LIG1: variants seen among roughly 807,000 people sequenced by gnomAD.
LIG1 encodes the protein DNA ligase 1, also known as ligase I, DNA, ATP-dependent.
A neutral mutation model predicts 115.7 loss-of-function variants in LIG1; 70 were observed. That is an observed-to-expected ratio of 0.60 (90% CI 0.50 to 0.74). LIG1 has a LOEUF of 0.74. LIG1 is among the 30% of genes least tolerant of loss of function. The probability of loss-of-function intolerance (pLI) is 0.00; values close to 1 mark genes in which losing one functional copy is unlikely to be tolerated. For synonymous variants in LIG1, 487 were observed against 495.3 expected (o/e 0.98, Z 0.22); for missense variants, 1,115 against 1,225.6 (o/e 0.91, Z 1.35).
At chr19:48,116,363 G>A (rs561695368) in intron 26 of LIG1, among the ~76,000 whole-genome samples, 3 of 150,096 alleles carry the variant, frequency 2.0e-5, no homozygotes, top group African/African-American at 7.4e-5. Context: ...GGAGAATGGC[G>A]TGAATCCGGG....
At position 48,143,666 on chromosome 19, in the gene LIG1, C is replaced by T; in HGVS notation, c.858-67G>A. ...CTATACCATGCTGCCCGTCTGCACC[C>T]TTGCTTCCTCACGCCTCCTCGGGAC... On this transcript the variant is annotated intron_variant, in intron 10 of 27. Coordinates refer to ENST00000263274, the MANE Select transcript of LIG1 (RefSeq NM_000234.3). The T allele has an allele frequency of 3.5e-6, 5 of 1,413,816 alleles. No individual in the cohort carries two copies. The South Asian group carries it at 5.7e-5, about 16-fold the overall frequency. The allele number at this position is 1,413,816 out of a possible 1,614,324, so 87.6% of individuals were successfully genotyped here. A position where few individuals can be genotyped will look rare whatever the true frequency, so the allele number is the denominator to read the frequency against.
chr19:48,164,751 A>G (rs138140720), intron 2 of LIG1, among the ~76,000 whole-genome samples: 4 of 152,360 alleles, frequency 2.6e-5, no homozygotes, highest in African/African-American at 9.6e-5. Context: ...TTTCAATGAT[A>G]TAAGTCAAGT....
chr19:48,135,990 G>A, intron 15 of LIG1, 44 bp downstream of exon 15: 1 of 1,477,340 alleles, frequency 6.8e-7, no homozygotes, highest in Non-Finnish European at 9.2e-7. Flanking sequence ...GGAAGCCTGA[G>A]GTAACTCCAG....
chr19:48,144,384 G>C (rs191683935), intron 9 of LIG1, among the ~76,000 whole-genome samples: 2 of 152,304 alleles, frequency 1.3e-5, no homozygotes, highest in East Asian at 3.9e-4. Flanking sequence ...TTGAGAAACA[G>C]AAAAGGGATT....
chr19:48,132,516 G>A (rs1018598422), intron 18 of LIG1, among the ~76,000 whole-genome samples: 1 of 152,046 alleles, frequency 6.6e-6, no homozygotes, highest in Non-Finnish European at 1.5e-5. Flanking sequence ...TAGAGGCCAG[G>A]CACGATGGTT....
chr19:48,128,884 T>A, intron 19 of LIG1, among the ~76,000 whole-genome samples: 1 of 152,202 alleles, frequency 6.6e-6, no homozygotes, highest in East Asian at 1.9e-4. Flanking sequence ...TGCCTCAGCC[T>A]CCCGAGTAGC....
At chr19:48,167,087 G>A (rs971626739) in intron 1 of LIG1, among the ~76,000 whole-genome samples, 1 of 151,130 alleles carries the variant, frequency 6.6e-6, no homozygotes, top group African/African-American at 2.4e-5. Context: ...TGACAGGAAA[G>A]AAATTACGAC....
At chr19:48,128,708 G>A (rs1380773176) in intron 19 of LIG1, among the ~76,000 whole-genome samples, 1 of 152,232 alleles carries the variant, frequency 6.6e-6, no homozygotes, top group African/African-American at 2.4e-5. Flanking sequence ...CAAGCCGGGG[G>A]CAGCATTCAT....
At chr19:48,148,516 G>A (rs1358370313) in intron 9 of LIG1, among the ~76,000 whole-genome samples, 1 of 151,674 alleles carries the variant, frequency 6.6e-6, no homozygotes, top group Non-Finnish European at 1.5e-5. Flanking sequence ...CAGCACGTGG[G>A]GACATGGTGT....
chr19:48,143,723 C>T (rs2034933752), intron 10 of LIG1, 124 bp from the exon 11 acceptor site: 11 of 1,076,496 alleles, frequency 1.0e-5, no homozygotes, highest in Non-Finnish European at 1.6e-5. Flanking sequence ...CATGAGCTCA[C>T]TTCCCAGGGC....
intron 19 of LIG1, 150 bp from the exon 20 acceptor site, chr19:48,128,170 CCCCA>C: frequency 5.7e-6 from 4 of 702,712 alleles, no homozygotes; most frequent in African/African-American, 1.8e-5. Context: ...TTCTTTTATT[CCCCA>C]CCAAGAGGAG....
intron 2 of LIG1, among the ~76,000 whole-genome samples, chr19:48,164,160 C>T (rs535391136): frequency 6.6e-6 from 1 of 151,842 alleles, no homozygotes; most frequent in South Asian, 2.1e-4. Context: ...CTTTCCTGTA[C>T]CTCTAAAATT....
In LIG1 at chr19:48,122,494, C is replaced by A; in HGVS notation, c.2232+440G>T. 3.3e-6 allele frequency: 1 copy of A among 303,698 alleles called. No individual in the cohort carries two copies. Among genetic ancestry groups the A allele is most frequent in the Non-Finnish European group, 6.5e-6 (1 of 154,176 alleles). The allele number at this position is 303,698 out of a possible 1,614,324, so 18.8% of individuals were successfully genotyped here. On this transcript the variant is annotated intron_variant, in intron 23 of 27. Coordinates refer to ENST00000263274, the MANE Select transcript of LIG1 (RefSeq NM_000234.3). The surrounding 1 kb of genome is among the most constrained non-coding windows in gnomAD (Gnocchi z 4.3). The stretch of plus-strand genomic sequence containing the variant: ...GCACCGGGGGTTTTCCTCCCTAGTG[C>A]TCTGTCCCTCACTTTGGGAAAGACT...
At chr19:48,153,404 C>A (rs867572317) in intron 6 of LIG1, among the ~76,000 whole-genome samples, 6 of 134,888 alleles carry the variant, frequency 4.4e-5, no homozygotes, top group Middle Eastern at 3.8e-3. Flanking sequence ...AAAAGGAAAT[C>A]ATTTAGAGGA....
chr19:48,143,664 C>A, intron 10 of LIG1, 65 bp from the exon 11 acceptor site: 5 of 1,426,644 alleles, frequency 3.5e-6, no homozygotes, highest in Non-Finnish European at 5.0e-6. Context: ...CCCGTCTGCA[C>A]CCTTGCTTCC....
intron 5 of LIG1, among the ~76,000 whole-genome samples, chr19:48,154,762 C>A (rs548613565): frequency 6.6e-6 from 1 of 152,200 alleles, no homozygotes; most frequent in South Asian, 2.1e-4. Context: ...GTCTCCCGGC[C>A]CCCAGTGGCT....
intron 9 of LIG1, 87 bp downstream of exon 9, chr19:48,149,676 G>T: frequency 9.7e-7 from 1 of 1,035,412 alleles, no homozygotes; most frequent in Non-Finnish European, 1.5e-6. Context: ...TGCAAGAGGA[G>T]GAAGCCTGAG....
At chr19:48,159,190 G>T (rs552731736) in intron 4 of LIG1, among the ~76,000 whole-genome samples, 2 of 151,708 alleles carry the variant, frequency 1.3e-5, no homozygotes, top group East Asian at 3.9e-4. Context: ...CAATTCTCCT[G>T]CCTCAGCCTC....
chr19:48,147,656 AC>A (rs1051954928), intron 9 of LIG1, among the ~76,000 whole-genome samples: 2 of 144,616 alleles, frequency 1.4e-5, no homozygotes, highest in Non-Finnish European at 3.0e-5. Context: ...AAAAAAAAAA[AC>A]AAGAAACAAA....
Sources: gnomAD v4.1 joint callset for allele counts (sites outside exome capture counted in the v4.1 genomes callset) on GRCh38, gnomAD v4.1.1 for gene constraint, Gnocchi (gnomAD v3.1) non-coding constraint, MANE v1.5 for transcripts, NCBI Gene and HGNC (gene_info 2026-07-23, HGNC 2026-07-21) for gene names.